The following RCAN1 variants were observed in gnomAD, a reference collection of about 807,000 sequenced individuals.
RCAN1 encodes calcipressin-1.
RCAN1 carries 11 observed loss-of-function variants against 22.9 expected under a neutral mutation model. The ratio of observed to expected loss-of-function variants is 0.48; its 90% confidence interval spans 0.30 to 0.79. The LOEUF is 0.79. Ranked by LOEUF, RCAN1 falls within the 30% of genes least tolerant of loss-of-function variation. The pLI is 0.06. For synonymous variants in RCAN1, 136 were observed against 142.3 expected (o/e 0.96, Z 0.32); for missense variants, 291 against 337.8 (o/e 0.86, Z 1.09).
chr21:34,521,791 A>T, intron 2 of RCAN1, 133 bp from the exon 3 acceptor site: 2 of 717,016 alleles, frequency 2.8e-6, no homozygotes, highest in Non-Finnish European at 4.6e-6. Flanking sequence ...TTCCAGGACC[A>T]ATTGTAAGAT....
At chr21:34,586,678 C>T (rs867008041) in intron 1 of RCAN1, among the ~76,000 whole-genome samples, 7 of 152,258 alleles carry the variant, frequency 4.6e-5, no homozygotes, top group African/African-American at 1.4e-4. Flanking sequence ...AAAGGACAGG[C>T]GCAGTGGCTC....
rs985380418 is a variant in RCAN1 at position 34,519,059 on chromosome 21, T to C, written c.587-803A>G. 3.9e-5 allele frequency among the ~76,000 whole-genome samples: 6 copies of C among 152,196 alleles called. No individual in the cohort carries two copies. The East Asian group carries it at 1.2e-3, about 29-fold the overall frequency. On this transcript the variant is annotated intron_variant, in intron 3 of 3. Coordinates refer to ENST00000313806, the MANE Select transcript of RCAN1 (RefSeq NM_004414.7). ...CTGGCTCCTTAGTACCCAGGGCTCA[T>C]GGGCACTTTATTCTGCTTCCCTGTG...
Position 34,528,772 on chromosome 21 carries a change from C to T in RCAN1, c.253-5062G>A, listed in dbSNP as rs374386016. On this transcript the variant is annotated intron_variant, in intron 1 of 3. Coordinates refer to ENST00000313806, the MANE Select transcript of RCAN1 (RefSeq NM_004414.7). ...TGGGCAAATTCCATTAAAAGGTGAT[C>T]AGAAGAGACAGAAGAGGCTAATTTA... Among the ~76,000 whole-genome samples the T allele has an allele frequency of 5.3e-5, 8 of 152,252 alleles. No individual in the cohort carries two copies. In the East Asian group the frequency reaches 5.8e-4, roughly 11 times the overall value.
intron 1 of RCAN1, chr21:34,559,159 T>C (rs1432479898): frequency 2.0e-5 from 3 of 152,208 alleles, no homozygotes. Context: ...GTCTACTTAT[T>C]CCAGGAATAG....
intron 1 of RCAN1, among the ~76,000 whole-genome samples, chr21:34,581,024 C>T (rs2123697257): frequency 6.6e-6 from 1 of 152,288 alleles, no homozygotes; most frequent in South Asian, 2.1e-4. Context: ...ACTAGGAGAA[C>T]CACCCAGAAG....
chr21:34,563,993 T>C (rs1207320335), intron 1 of RCAN1, among the ~76,000 whole-genome samples: 1 of 151,322 alleles, frequency 6.6e-6, no homozygotes, highest in African/African-American at 2.4e-5. Context: ...CTACCCGACA[T>C]TGGGTAGTTT....
chr21:34,573,891 C>T (rs1404820099), intron 1 of RCAN1, among the ~76,000 whole-genome samples: 1 of 151,934 alleles, frequency 6.6e-6, no homozygotes, highest in Non-Finnish European at 1.5e-5. Flanking sequence ...ATTAGAAAAC[C>T]GTCAAAATTA....
At chr21:34,530,523 A>T (rs1435654516) in intron 1 of RCAN1, among the ~76,000 whole-genome samples, 5 of 152,148 alleles carry the variant, frequency 3.3e-5, no homozygotes. Flanking sequence ...AACACTGAGC[A>T]AAAAATGAGG....
At chr21:34,561,827 G>A (rs1986801481) in intron 1 of RCAN1, among the ~76,000 whole-genome samples, 1 of 152,186 alleles carries the variant, frequency 6.6e-6, no homozygotes, top group Admixed American at 6.5e-5. Context: ...CAGGGCCACG[G>A]TGGTCCCACA....
At chr21:34,527,635 T>G (rs1169845209) in intron 1 of RCAN1, among the ~76,000 whole-genome samples, 3 of 152,174 alleles carry the variant, frequency 2.0e-5, no homozygotes, top group African/African-American at 7.2e-5. Context: ...ACAAAAACAC[T>G]AGCCTTTGAA....
chr21:34,537,502 C>T (rs866733632), intron 1 of RCAN1, among the ~76,000 whole-genome samples: 16 of 152,200 alleles, frequency 1.1e-4, no homozygotes, highest in African/African-American at 2.7e-4. Flanking sequence ...CCCAGAGCTC[C>T]ATTTCACTGT....
intron 1 of RCAN1, among the ~76,000 whole-genome samples, chr21:34,580,816 G>A (rs1342974112): frequency 6.6e-6 from 1 of 152,192 alleles, no homozygotes; most frequent in Non-Finnish European, 1.5e-5. Context: ...CCAAATCCAG[G>A]ACCCTGTGAT....
chr21:34,544,160 A>G (rs1039642134), intron 1 of RCAN1, among the ~76,000 whole-genome samples: 9 of 152,226 alleles, frequency 5.9e-5, no homozygotes, highest in Admixed American at 3.9e-4. Flanking sequence ...GAATTCTCAA[A>G]TGGCCCCCTG....
chr21:34,532,648 A>G, intron 1 of RCAN1, among the ~76,000 whole-genome samples: 1 of 152,208 alleles, frequency 6.6e-6, no homozygotes, highest in East Asian at 1.9e-4. Flanking sequence ...AGAACTAAAA[A>G]CTAGTTCCTC....
At chr21:34,602,133 G>A (rs758755084) in intron 1 of RCAN1, among the ~76,000 whole-genome samples, 1 of 152,024 alleles carries the variant, frequency 6.6e-6, no homozygotes, top group African/African-American at 2.4e-5. Flanking sequence ...GATCACAAAC[G>A]TTACCATGCT....
At chr21:34,599,765 ATAGT>A (rs1216939112) in intron 1 of RCAN1, among the ~76,000 whole-genome samples, 1 of 152,178 alleles carries the variant, frequency 6.6e-6, no homozygotes, top group African/African-American at 2.4e-5. Context: ...TAACAAAGTG[ATAGT>A]TGGTCATAAA....
intron 1 of RCAN1, among the ~76,000 whole-genome samples, chr21:34,593,225 T>C (rs1988029574): frequency 6.6e-6 from 1 of 152,216 alleles, no homozygotes; most frequent in Non-Finnish European, 1.5e-5. Context: ...AACACTATAG[T>C]GAAGCACCAA....
chr21:34,601,187 G>A (rs953877964), intron 1 of RCAN1, among the ~76,000 whole-genome samples: 13 of 152,194 alleles, frequency 8.5e-5, no homozygotes, highest in African/African-American at 3.1e-4. Context: ...AACAGGTTAA[G>A]CAGCTGCAAG....
At chr21:34,588,261 G>C (rs964223698) in intron 1 of RCAN1, among the ~76,000 whole-genome samples, 1 of 152,116 alleles carries the variant, frequency 6.6e-6, no homozygotes. Context: ...CTCCTCTATG[G>C]TGATGGAGGT....
Sources: gnomAD v4.1 joint callset for allele counts (sites outside exome capture counted in the v4.1 genomes callset) on GRCh38, gnomAD v4.1.1 for gene constraint, MANE v1.5 for transcripts, NCBI Gene and HGNC (gene_info 2026-07-23, HGNC 2026-07-21) for gene names.